The following MCF2L2 variants were observed in gnomAD, a reference collection of about 807,000 sequenced individuals.
The protein encoded by MCF2L2 is MCF.2 cell line derived transforming sequence-like 2, also known as probable guanine nucleotide exchange factor MCF2L2.
MCF2L2 carries 102 observed loss-of-function variants against 150.2 expected under a neutral mutation model. That is an observed-to-expected ratio of 0.68 (90% confidence interval 0.58 to 0.80). The LOEUF is 0.80. Ranked by LOEUF, MCF2L2 falls within the 30% of genes least tolerant of loss-of-function variation. The pLI, the probability that MCF2L2 is intolerant of heterozygous loss-of-function variation, is 0.00. For missense variants in MCF2L2, 1,256 were observed against 1,372.8 expected (o/e 0.91, Z 1.34); for synonymous variants, 465 against 491.3 (o/e 0.95, Z 0.71).
intron 1 of MCF2L2, among the ~76,000 whole-genome samples, chr3:183,426,474 A>G (rs114468096): frequency 0.012 from 1,828 of 152,346 alleles, 22 homozygotes; most frequent in Non-Finnish European, 0.019. Flanking sequence ...AAATTATCTT[A>G]CTTATCTTCA....
intron 3 of MCF2L2, among the ~76,000 whole-genome samples, chr3:183,356,004 C>CA (rs545397076): frequency 1.4e-3 from 212 of 152,132 alleles, no homozygotes; most frequent in Non-Finnish European, 2.0e-3. Flanking sequence ...TGCAGCCTTG[C>CA]AAACCTCTTC....
intron 11 of MCF2L2, chr3:183,299,765 G>A (rs1728742859): frequency 1.5e-5 from 7 of 468,378 alleles, no homozygotes; most frequent in South Asian, 7.7e-5. Flanking sequence ...CACACAGATA[G>A]AAATGGGCTT....
chr3:183,425,059 G>A (rs16857461), intron 1 of MCF2L2, among the ~76,000 whole-genome samples: 8 of 152,014 alleles, frequency 5.3e-5, no homozygotes, highest in Admixed American at 2.6e-4. Context: ...TGTTTGGCTC[G>A]TAGTATACAT....
intron 6 of MCF2L2, 43 bp downstream of exon 6, chr3:183,323,187 CAGAAA>C (rs1410681178): frequency 4.4e-6 from 6 of 1,365,796 alleles, no homozygotes; most frequent in Non-Finnish European, 5.1e-6. Flanking sequence ...CCCCATCTTC[CAGAAA>C]ACAAGGAGAG....
At chr3:183,229,524 C>T in intron 17 of MCF2L2, 142 bp downstream of exon 17, 1 of 478,846 alleles carries the variant, frequency 2.1e-6, no homozygotes, top group Non-Finnish European at 3.7e-6. Flanking sequence ...TCACTCCAAC[C>T]CACCCCAATC....
intron 10 of MCF2L2, among the ~76,000 whole-genome samples, chr3:183,300,971 C>T (rs1426316952): frequency 3.5e-5 from 5 of 144,686 alleles, no homozygotes; most frequent in African/African-American, 1.0e-4. Context: ...ATTGAGATTG[C>T]GCCACTGCAC....
chr3:183,254,261 G>A, intron 15 of MCF2L2: 1 of 151,786 alleles, frequency 6.6e-6, no homozygotes, highest in Non-Finnish European at 1.5e-5. Context: ...GGCCGGGGGC[G>A]CGTGGCTGGC....
intron 3 of MCF2L2, among the ~76,000 whole-genome samples, chr3:183,371,640 CT>C (rs68174534): frequency 0.058 from 8,136 of 141,464 alleles, 284 homozygotes; most frequent in Middle Eastern, 0.085. Context: ...GATAATTTTT[CT>C]TTTTTTTTTT....
Position 183,276,842 on chromosome 3 carries a change from C to T in MCF2L2, c.1862+30G>A, listed in dbSNP as rs759598945. Reference sequence around the variant, plus strand: ...GCCACCCATGCCCCGCACCCCCTCGCCCCCTGCACCCACGGATGTGCAGTC... The same window carrying T: ...GCCACCCATGCCCCGCACCCCCTCGTCCCCTGCACCCACGGATGTGCAGTC... On this transcript the variant is annotated intron_variant, in intron 15 of 29. Transcript: ENST00000328913. 11 of 1,545,936 alleles carry T rather than the reference C, an allele frequency of 7.1e-6. No homozygotes were observed. In the Admixed American group the frequency reaches 1.6e-4, roughly 23 times the overall value.
chr3:183,296,868 A>G (rs1728533818), intron 12 of MCF2L2, 108 bp downstream of exon 12: 4 of 1,268,684 alleles, frequency 3.2e-6, no homozygotes, highest in South Asian at 1.5e-5. Flanking sequence ...AGCCCACTCA[A>G]TTCAGCCTGC....
intron 15 of MCF2L2, among the ~76,000 whole-genome samples, chr3:183,246,350 C>T (rs1474400493): frequency 6.6e-6 from 1 of 152,168 alleles, no homozygotes; most frequent in Admixed American, 6.5e-5. Flanking sequence ...ACCTCATTCT[C>T]CACCTCCCCA....
At chr3:183,180,928 G>A (rs1477641722) in intron 27 of MCF2L2, among the ~76,000 whole-genome samples, 1 of 152,230 alleles carries the variant, frequency 6.6e-6, no homozygotes, top group Non-Finnish European at 1.5e-5. Context: ...CTCGCTCTGA[G>A]TGAGATGGAG....
chr3:183,317,925 T>TAA, intron 7 of MCF2L2, 143 bp downstream of exon 7: 3 of 1,035,008 alleles, frequency 2.9e-6, no homozygotes, highest in Non-Finnish European at 4.2e-6. Flanking sequence ...GTCTGGAAGG[T>TAA]TTAAGATGAT....
At chr3:183,302,990 C>G (rs965065019) in intron 10 of MCF2L2, among the ~76,000 whole-genome samples, 1 of 151,904 alleles carries the variant, frequency 6.6e-6, no homozygotes, top group African/African-American at 2.4e-5. Context: ...GTCAGGAGAT[C>G]GAGACCATCC....
intron 25 of MCF2L2, among the ~76,000 whole-genome samples, chr3:183,196,411 G>A (rs1722084250): frequency 6.6e-6 from 1 of 152,190 alleles, no homozygotes; most frequent in East Asian, 1.9e-4. Flanking sequence ...ATGTTTATAT[G>A]TCAGAGCTTT....
chr3:183,233,938 G>C (rs1723683831), intron 15 of MCF2L2, among the ~76,000 whole-genome samples: 1 of 151,980 alleles, frequency 6.6e-6, no homozygotes, highest in Admixed American at 6.6e-5. Context: ...ATAAATACTT[G>C]TATAAGACAA....
chr3:183,313,720 G>C (rs35046138), intron 7 of MCF2L2, among the ~76,000 whole-genome samples: 2 of 152,162 alleles, frequency 1.3e-5, no homozygotes, highest in Non-Finnish European at 2.9e-5. Context: ...GAGAAACTCA[G>C]GGCACTATCT....
chr3:183,399,458 C>A (rs1220170329), intron 1 of MCF2L2, among the ~76,000 whole-genome samples: 2 of 152,146 alleles, frequency 1.3e-5, no homozygotes, highest in Non-Finnish European at 2.9e-5. Context: ...AAGGTGGGAG[C>A]ATACCAATAA....
intron 3 of MCF2L2, chr3:183,373,567 C>G (rs1167442705): frequency 6.6e-6 from 1 of 152,134 alleles, no homozygotes; most frequent in Non-Finnish European, 1.5e-5. Flanking sequence ...CCTCAAATGT[C>G]TGTTCTGTCT....
Sources: allele counts gnomAD v4.1 joint callset (sites outside exome capture counted in the v4.1 genomes callset), GRCh38; gene constraint gnomAD v4.1.1; transcripts MANE v1.5; gene names NCBI Gene and HGNC (gene_info 2026-07-23, HGNC 2026-07-21).